The following DNAJC24 variants were observed in gnomAD, a reference collection of about 807,000 sequenced individuals.
DNAJC24 encodes the protein dnaJ homolog subfamily C member 24.
In DNAJC24, 17 loss-of-function variants were observed where a neutral mutation model predicts 18.0. The ratio of observed to expected loss-of-function variants is 0.94; its 90% CI spans 0.65 to 1.42. The LOEUF is 1.42. DNAJC24 is among the 40% of genes most tolerant of loss of function. The pLI is 0.00. For synonymous variants in DNAJC24, 55 were observed against 57.7 expected (o/e 0.95, Z 0.21); for missense variants, 158 against 175.6 (o/e 0.90, Z 0.57).
intron 2 of DNAJC24, among the ~76,000 whole-genome samples, chr11:31,397,859 C>T (rs1952558752): frequency 6.6e-6 from 1 of 150,920 alleles, no homozygotes; most frequent in African/African-American, 2.4e-5. Context: ...GTTGCCCAGG[C>T]TGGTGCGATC....
chr11:31,420,320 CCCA>C (rs1232298846), intron 3 of DNAJC24, among the ~76,000 whole-genome samples: 1 of 152,016 alleles, frequency 6.6e-6, no homozygotes, highest in Non-Finnish European at 1.5e-5. Flanking sequence ...CTCCCAACTT[CCCA>C]CCACCCACCA....
At chr11:31,374,082 A>G (rs1246527769) in intron 2 of DNAJC24, 1 of 387,886 alleles carries the variant, frequency 2.6e-6, no homozygotes, top group South Asian at 1.9e-5. Context: ...TATGTCTTGT[A>G]TTTCCTTTTC....
intron 2 of DNAJC24, among the ~76,000 whole-genome samples, chr11:31,398,213 T>C (rs1352697536): frequency 6.6e-6 from 1 of 151,960 alleles, no homozygotes; most frequent in Non-Finnish European, 1.5e-5. Context: ...TTTTCTTCTT[T>C]TACTCTTTTT....
At chr11:31,419,738 G>A (rs1393546416) in intron 3 of DNAJC24, among the ~76,000 whole-genome samples, 3 of 151,948 alleles carry the variant, frequency 2.0e-5, no homozygotes, top group African/African-American at 4.8e-5. Context: ...AAGACTGACC[G>A]AGTCAGCTTT....
At chr11:31,413,508 CT>C (rs1225122451) in intron 2 of DNAJC24, among the ~76,000 whole-genome samples, 1 of 151,426 alleles carries the variant, frequency 6.6e-6, no homozygotes, top group Non-Finnish European at 1.5e-5. Context: ...TATTTTTGTA[CT>C]TTTTAGTAGA....
chr11:31,395,160 A>C (rs1393192018), intron 2 of DNAJC24, among the ~76,000 whole-genome samples: 1 of 152,168 alleles, frequency 6.6e-6, no homozygotes, highest in Non-Finnish European at 1.5e-5. Flanking sequence ...GTATTAGTGC[A>C]CTTAGGAGAG....
chr11:31,409,794 A>G (rs762338301), intron 2 of DNAJC24, among the ~76,000 whole-genome samples: 6 of 151,926 alleles, frequency 3.9e-5, no homozygotes, highest in Non-Finnish European at 7.4e-5. Flanking sequence ...TTTATAAGCA[A>G]TTGCCAAATT....
intron 2 of DNAJC24, among the ~76,000 whole-genome samples, chr11:31,371,689 A>T (rs1039113488): frequency 6.6e-6 from 1 of 151,896 alleles, no homozygotes; most frequent in Non-Finnish European, 1.5e-5. Context: ...ATTTGCACAT[A>T]TCAAAGTTTG....
chr11:31,397,300 C>A (rs1218970695), intron 2 of DNAJC24, among the ~76,000 whole-genome samples: 1 of 152,066 alleles, frequency 6.6e-6, no homozygotes, highest in African/African-American at 2.4e-5. Context: ...CAGTTTTACA[C>A]GTGGGTTATA....
At chr11:31,402,806 G>A (rs1280522584) in intron 2 of DNAJC24, among the ~76,000 whole-genome samples, 1 of 152,060 alleles carries the variant, frequency 6.6e-6, no homozygotes, top group African/African-American at 2.4e-5. Context: ...TGCCACACCT[G>A]GTTCCACTTT....
intron 2 of DNAJC24, among the ~76,000 whole-genome samples, chr11:31,399,713 CTT>C (rs370853069): frequency 5.7e-4 from 64 of 113,056 alleles, no homozygotes; most frequent in Non-Finnish European, 7.5e-4. Context: ...TGCCCAGCCT[CTT>C]TTTTTTTTTT....
In DNAJC24 at chr11:31,374,734, C is replaced by T. The variant is rs921430223; in HGVS notation, c.111+3875C>T. Among the ~76,000 whole-genome samples, 2 of 134,270 alleles carry T rather than the reference C, an allele frequency of 1.5e-5. 1 individual carries two copies. The highest frequency in any genetic ancestry group is 3.4e-5 in the Non-Finnish European group (2 of 58,086). The allele number at this position is 134,270 out of a possible 152,430, so 88.1% of individuals were successfully genotyped here. A position where few individuals can be genotyped will look rare whatever the true frequency, so the allele number is the denominator to read the frequency against. ...CCCCTCAACTCCACTCTCAAAGGTACTTAATGCCTTCCGTTCCTCAATTTC... is the reference window on the plus strand; with the variant it reads ...CCCCTCAACTCCACTCTCAAAGGTATTTAATGCCTTCCGTTCCTCAATTTC... On this transcript the variant is annotated intron_variant, in intron 2 of 4. Transcript: ENST00000465995.
chr11:31,375,797 G>A (rs1438743481), intron 2 of DNAJC24, among the ~76,000 whole-genome samples: 1 of 135,208 alleles, frequency 7.4e-6, no homozygotes. Flanking sequence ...TGTTGAGAAG[G>A]GTGAGAGATG....
chr11:31,429,968 A>C (rs2133510324), intron 4 of DNAJC24: 1 of 190,936 alleles, frequency 5.2e-6, no homozygotes, highest in South Asian at 1.8e-4. Flanking sequence ...ATTTTAAGAA[A>C]ACATAAAACT....
At chr11:31,376,788 C>T (rs888017405) in intron 2 of DNAJC24, among the ~76,000 whole-genome samples, 1 of 152,064 alleles carries the variant, frequency 6.6e-6, no homozygotes, top group Non-Finnish European at 1.5e-5. Flanking sequence ...CTCATTTATG[C>T]ACAGTTAATT....
chr11:31,374,110 C>T (rs973745662), intron 2 of DNAJC24: 5 of 392,652 alleles, frequency 1.3e-5, no homozygotes, highest in African/African-American at 1.0e-4. Context: ...AAGGCACTAG[C>T]TGGTTGCTTC....
At position 31,430,386 on chromosome 11, in the gene DNAJC24, C is replaced by T; in HGVS notation, c.435C>T (p.Leu145=). The T allele has an allele frequency of 1.2e-6, 2 of 1,601,398 alleles. No individual in the cohort carries two copies. The highest frequency in any genetic ancestry group is 1.7e-6 in the Non-Finnish European group (2 of 1,172,198). The change falls in exon 5 of 5, where the codon CTC becomes CTT. Residue 145 remains leucine (L), a synonymous_variant. Coordinates refer to ENST00000465995, the MANE Select transcript of DNAJC24 (RefSeq NM_181706.5). ...SCDTCSLIIE[L]LHYN ...ATACATGTTCACTAATTATAGAACTCCTTCATTATAACTAAAATTGTTCAC... is the reference window on the plus strand; with the variant it reads ...ATACATGTTCACTAATTATAGAACTTCTTCATTATAACTAAAATTGTTCAC...
At chr11:31,411,147 A>G (rs1591916558) in intron 2 of DNAJC24, among the ~76,000 whole-genome samples, 1 of 152,218 alleles carries the variant, frequency 6.6e-6, no homozygotes, top group African/African-American at 2.4e-5. Flanking sequence ...AGGATAGGTC[A>G]GATTTAGAAA....
intron 2 of DNAJC24, among the ~76,000 whole-genome samples, chr11:31,395,179 A>G (rs991623708): frequency 6.6e-6 from 1 of 152,160 alleles, no homozygotes. Flanking sequence ...AGTGACCTCC[A>G]TCTCCATTCA....
Sources: gnomAD v4.1 joint callset for allele counts (sites outside exome capture counted in the v4.1 genomes callset) on GRCh38, gnomAD v4.1.1 for gene constraint, MANE v1.5 for transcripts, NCBI Gene and HGNC (gene_info 2026-07-23, HGNC 2026-07-21) for gene names.